QTMAN: variants seen among roughly 807,000 people sequenced by gnomAD.
QTMAN encodes the protein tRNA-queuosine alpha-mannosyltransferase.
chr2:144,308,161 TG>T, the QTMAN span, among the ~76,000 whole-genome samples: 6 of 147,944 alleles, frequency 4.1e-5, no homozygotes, highest in African/African-American at 7.7e-5. Flanking sequence ...TATGATTGGT[TG>T]TTTTTTTTTT....
At chr2:144,146,549 A>C in the QTMAN span, among the ~76,000 whole-genome samples, 1 of 151,862 alleles carries the variant, frequency 6.6e-6, no homozygotes, top group East Asian at 1.9e-4. Context: ...CAGGAAGAAC[A>C]GAAAAGATGA....
chr2:144,325,316 T>G, the QTMAN span, among the ~76,000 whole-genome samples: 1 of 152,206 alleles, frequency 6.6e-6, no homozygotes, highest in East Asian at 1.9e-4. Context: ...GGCTGTGGTG[T>G]ACCACCTAAA....
chr2:143,961,897 T>A, the QTMAN span, among the ~76,000 whole-genome samples: 9 of 152,120 alleles, frequency 5.9e-5, no homozygotes, highest in Non-Finnish European at 1.3e-4. Context: ...AGCTGGTGAA[T>A]GTTCTGAGCA....
chr2:144,179,547 C>G, the QTMAN span, among the ~76,000 whole-genome samples: 2 of 152,126 alleles, frequency 1.3e-5, no homozygotes, highest in South Asian at 2.1e-4. Context: ...ATAGTAGAAA[C>G]ATGAACCATC....
the QTMAN span, among the ~76,000 whole-genome samples, chr2:144,306,882 C>A: frequency 6.6e-6 from 1 of 152,084 alleles, no homozygotes; most frequent in Non-Finnish European, 1.5e-5. Context: ...ATACAAATGG[C>A]TGGGCGCGGT....
At chr2:144,249,280 C>T in the QTMAN span, among the ~76,000 whole-genome samples, 115 of 152,242 alleles carry the variant, frequency 7.6e-4, no homozygotes, top group Admixed American at 1.6e-3. Flanking sequence ...AAGGTATGAA[C>T]AATCAGTACA....
At chr2:144,144,088 C>T in the QTMAN span, among the ~76,000 whole-genome samples, 1 of 151,856 alleles carries the variant, frequency 6.6e-6, no homozygotes, top group Non-Finnish European at 1.5e-5. Context: ...ATAAGTTTAC[C>T]CTCTTGAGAA....
At chr2:144,110,684 C>CCCA in the QTMAN span, among the ~76,000 whole-genome samples, 4 of 141,932 alleles carry the variant, frequency 2.8e-5, no homozygotes, top group Non-Finnish European at 6.0e-5. Flanking sequence ...AATCGACCCC[C>CCCA]CCCCAAAAAA....
chr2:143,944,485 C>G, the QTMAN span: 1 of 152,216 alleles, frequency 6.6e-6, no homozygotes, highest in East Asian at 1.9e-4. Flanking sequence ...CTCTGTCGCC[C>G]AGGCTGGAGT....
the QTMAN span, among the ~76,000 whole-genome samples, chr2:144,060,717 T>A: frequency 1.5e-4 from 23 of 152,334 alleles, no homozygotes; most frequent in Middle Eastern, 3.4e-3. Flanking sequence ...AATGCATATA[T>A]CTGCATGGAG....
chr2:144,057,520 AT>A, the QTMAN span, among the ~76,000 whole-genome samples: 1 of 152,164 alleles, frequency 6.6e-6, no homozygotes, highest in Non-Finnish European at 1.5e-5. Flanking sequence ...CTTATCTCTC[AT>A]ATGACCTGGT....
chr2:144,105,413 C>T, the QTMAN span, among the ~76,000 whole-genome samples: 4 of 152,140 alleles, frequency 2.6e-5, no homozygotes, highest in Admixed American at 1.3e-4. Context: ...CCTTAAATGA[C>T]CTGATGCAGC....
At chr2:144,068,972 C>G in the QTMAN span, among the ~76,000 whole-genome samples, 1 of 152,092 alleles carries the variant, frequency 6.6e-6, no homozygotes, top group Non-Finnish European at 1.5e-5. Flanking sequence ...AGCGGTTTAT[C>G]TTTGATACTG....
the QTMAN span, among the ~76,000 whole-genome samples, chr2:144,098,220 A>C: frequency 6.6e-6 from 1 of 152,340 alleles, no homozygotes; most frequent in South Asian, 2.1e-4. Context: ...TAAGGGTCCA[A>C]GCTAGGTTTT....
the QTMAN span, among the ~76,000 whole-genome samples, chr2:144,167,345 T>A: frequency 2.7e-5 from 4 of 149,644 alleles, no homozygotes; most frequent in East Asian, 8.0e-4. Flanking sequence ...ATCACCCGAA[T>A]ACTAGTCCTC....
chr2:144,270,506 G>T, the QTMAN span, among the ~76,000 whole-genome samples: 1 of 152,182 alleles, frequency 6.6e-6, no homozygotes, highest in African/African-American at 2.4e-5. Flanking sequence ...CCTTTGCAGG[G>T]ACATGGATGA....
chr2:144,220,368 A>G, the QTMAN span, among the ~76,000 whole-genome samples: 1 of 152,224 alleles, frequency 6.6e-6, no homozygotes, highest in South Asian at 2.1e-4. Context: ...TATTGTCCAA[A>G]GTTTCTGCAG....
At chr2:144,203,979 T>A in the QTMAN span, among the ~76,000 whole-genome samples, 56 of 147,548 alleles carry the variant, frequency 3.8e-4, no homozygotes, top group South Asian at 8.7e-4. Context: ...TCCTTACACC[T>A]TATACAAAAA....
chr2:144,203,213 A>G, the QTMAN span, among the ~76,000 whole-genome samples: 1 of 149,322 alleles, frequency 6.7e-6, no homozygotes, highest in Non-Finnish European at 1.5e-5. Context: ...GCACACATGT[A>G]TGCGCATATG....
Sources: allele counts gnomAD v4.1 joint callset (sites outside exome capture counted in the v4.1 genomes callset), GRCh38; gene constraint gnomAD v4.1.1; transcripts MANE v1.5; gene names NCBI Gene and HGNC (gene_info 2026-07-23, HGNC 2026-07-21).